The following GABRG3 variants were observed in gnomAD, a reference collection of about 807,000 sequenced individuals.
The protein encoded by GABRG3 is gamma-aminobutyric acid receptor subunit gamma-3.
Under a neutral mutation model 48.8 loss-of-function variants are expected in GABRG3, and 25 were observed. The ratio of observed to expected loss-of-function variants is 0.51; its 90% CI spans 0.37 to 0.72. The LOEUF (loss-of-function observed/expected upper bound fraction) is 0.72. GABRG3 is among the 30% of genes least tolerant of loss of function. The probability of loss-of-function intolerance (pLI) is 0.00; values close to 1 mark genes in which losing one functional copy is unlikely to be tolerated. For synonymous variants in GABRG3, 227 were observed against 217.6 expected, an observed-to-expected ratio of 1.04 and a Z score of -0.38; for missense variants, 394 against 577.9, an observed-to-expected ratio of 0.68 and a Z score of 3.26.
chr15:27,072,247 A>G (rs1487500759), intron 3 of GABRG3, among the ~76,000 whole-genome samples: 1 of 152,042 alleles, frequency 6.6e-6, no homozygotes, highest in Non-Finnish European at 1.5e-5. Flanking sequence ...TTACGAATGG[A>G]ATTTCTCTCT....
At chr15:27,164,499 CT>C (rs1178540853) in intron 3 of GABRG3, among the ~76,000 whole-genome samples, 1 of 152,152 alleles carries the variant, frequency 6.6e-6, no homozygotes, top group East Asian at 1.9e-4. Flanking sequence ...GCTGAAAGAT[CT>C]TTCATAGCTT....
At chr15:27,375,535 G>C (rs1013258425) in intron 5 of GABRG3, among the ~76,000 whole-genome samples, 1 of 152,204 alleles carries the variant, frequency 6.6e-6, no homozygotes, top group African/African-American at 2.4e-5. Context: ...ACATGCTTGA[G>C]ACTGGGAAGA....
chr15:27,039,928 T>C (rs1339701115), intron 3 of GABRG3, among the ~76,000 whole-genome samples: 1 of 152,234 alleles, frequency 6.6e-6, no homozygotes, highest in Non-Finnish European at 1.5e-5. Context: ...AATCTGCCTC[T>C]TATTTCATCT....
At chr15:27,156,298 C>CAAAAAAAAAAAAAAA (rs34055206) in intron 3 of GABRG3, among the ~76,000 whole-genome samples, 1 of 78,124 alleles carries the variant, frequency 1.3e-5, no homozygotes, top group Non-Finnish European at 2.4e-5. Flanking sequence ...CACTCTGTCT[C>CAAAAAAAAAAAAAAA]AAAAAAAAAA....
chr15:27,191,794 C>T (rs965247699), intron 3 of GABRG3, among the ~76,000 whole-genome samples: 1 of 151,434 alleles, frequency 6.6e-6, no homozygotes, highest in Non-Finnish European at 1.5e-5. Context: ...ATCTTGCTCG[C>T]TAGTTGATGC....
chr15:27,254,307 C>T (rs376550791), intron 3 of GABRG3, among the ~76,000 whole-genome samples: 2 of 152,052 alleles, frequency 1.3e-5, no homozygotes, highest in Admixed American at 1.3e-4. Context: ...CAGGGACTCT[C>T]GAGAAGGCGC....
chr15:27,090,930 A>G (rs1372328708), intron 3 of GABRG3, among the ~76,000 whole-genome samples: 1 of 152,182 alleles, frequency 6.6e-6, no homozygotes, highest in East Asian at 1.9e-4. Flanking sequence ...TTATACATAT[A>G]AGGGTGTATC....
chr15:26,989,498 T>C (rs971986330), intron 2 of GABRG3, among the ~76,000 whole-genome samples: 3 of 152,244 alleles, frequency 2.0e-5, no homozygotes, highest in Admixed American at 6.5e-5. Flanking sequence ...TTGTTAACTT[T>C]TGTGGGTATA....
chr15:27,331,161 C>A (rs2140521549), intron 5 of GABRG3, among the ~76,000 whole-genome samples: 1 of 152,222 alleles, frequency 6.6e-6, no homozygotes, highest in Non-Finnish European at 1.5e-5. Context: ...AGTGTCACAG[C>A]CCTTTTGGAA....
intron 2 of GABRG3, among the ~76,000 whole-genome samples, chr15:26,984,731 T>A (rs1212434503): frequency 6.6e-6 from 1 of 152,152 alleles, no homozygotes; most frequent in Non-Finnish European, 1.5e-5. Context: ...TAAATTTCAC[T>A]TCCTTCAGGG....
intron 5 of GABRG3, among the ~76,000 whole-genome samples, chr15:27,385,375 G>A (rs969631540): frequency 2.7e-5 from 4 of 150,910 alleles, no homozygotes; most frequent in African/African-American, 7.3e-5. Context: ...CCTACTTGGC[G>A]TTTCTTAAGC....
chr15:27,123,511 T>C (rs914257418), intron 3 of GABRG3, among the ~76,000 whole-genome samples: 11 of 152,222 alleles, frequency 7.2e-5, no homozygotes, highest in Admixed American at 2.6e-4. Flanking sequence ...GCTGGAGCCT[T>C]GATCTTAGAC....
chr15:27,481,827 A>G (rs988112469), intron 6 of GABRG3, among the ~76,000 whole-genome samples: 9 of 152,192 alleles, frequency 5.9e-5, no homozygotes, highest in African/African-American at 2.2e-4. Context: ...GAGGCAGCGC[A>G]AAGGGAAACG....
intron 5 of GABRG3, among the ~76,000 whole-genome samples, chr15:27,369,964 T>A (rs1190438805): frequency 6.6e-6 from 1 of 152,116 alleles, no homozygotes; most frequent in African/African-American, 2.4e-5. Flanking sequence ...GCTTCTTATG[T>A]GAGGCCATCA....
chr15:27,123,269 G>A (rs1339962233), intron 3 of GABRG3, among the ~76,000 whole-genome samples: 1 of 152,124 alleles, frequency 6.6e-6, no homozygotes, highest in Non-Finnish European at 1.5e-5. Flanking sequence ...CATTGTTATG[G>A]TCTGAATGTC....
intron 3 of GABRG3, among the ~76,000 whole-genome samples, chr15:27,218,179 A>T (rs1889328973): frequency 3.3e-5 from 5 of 151,608 alleles, no homozygotes. Context: ...ATGCCTGCCT[A>T]ATTTTTTTTT....
intron 3 of GABRG3, among the ~76,000 whole-genome samples, chr15:27,185,105 G>A (rs1017860825): frequency 1.3e-5 from 2 of 151,234 alleles, no homozygotes; most frequent in African/African-American, 2.4e-5. Flanking sequence ...TCTTTTTCAT[G>A]TTGCTTGACA....
rs914162246 is a variant in GABRG3, at chr15:27,410,852, G to A, written c.575-69798G>A. On this transcript the variant is annotated intron_variant, in intron 5 of 9. Coordinates refer to ENST00000615808, the MANE Select transcript of GABRG3 (RefSeq NM_033223.5). The stretch of plus-strand genomic sequence containing the variant: ...AGCACACGTGCGCACGCTCGTGTGT[G>A]TGTGTGTGTGTGTGTGTGTGTGTGT... Among the ~76,000 whole-genome samples the A allele has an allele frequency of 0.011, 825 of 75,904 alleles. 8 individuals are homozygous for A. The East Asian group carries it at 0.14, about 12-fold the overall frequency. The allele number at this position is 75,904 out of a possible 152,430, so 49.8% of individuals were successfully genotyped here.
chr15:27,232,563 A>C (rs1211555175), intron 3 of GABRG3, among the ~76,000 whole-genome samples: 1 of 152,104 alleles, frequency 6.6e-6, no homozygotes, highest in Admixed American at 6.6e-5. Context: ...CCTTGGGGTA[A>C]ATTGGGGCAG....
Sources: allele counts gnomAD v4.1 joint callset (sites outside exome capture counted in the v4.1 genomes callset), GRCh38; gene constraint gnomAD v4.1.1; transcripts MANE v1.5; gene names NCBI Gene and HGNC (gene_info 2026-07-23, HGNC 2026-07-21).